Variants in OXTR observed in about 807,000 individuals in gnomAD.
OXTR encodes oxytocin receptor.
In OXTR, 19 loss-of-function variants were observed where a neutral mutation model predicts 23.9. The ratio of observed to expected loss-of-function variants is 0.80; its 90% CI spans 0.56 to 1.17. OXTR has a LOEUF of 1.17. Among genes scored for constraint, OXTR ranks in the 50% most tolerant of loss-of-function variants. The pLI, the probability that OXTR is intolerant of heterozygous loss-of-function variation, is 0.00. For missense variants in OXTR, 500 were observed against 550.7 expected (o/e 0.91, Z 0.92); for synonymous variants, 278 against 250.5 (o/e 1.11, Z -1.04).
chr3:8,756,946 G>A (rs1232149828), intron 3 of OXTR, among the ~76,000 whole-genome samples: 1 of 152,184 alleles, frequency 6.6e-6, no homozygotes, highest in Non-Finnish European at 1.5e-5. Flanking sequence ...ACTCAGAAAG[G>A]TCTGCTATGC....
rs2125008074 is a variant in OXTR, at chr3:8,767,922, G to A, written c.266C>T (p.Ala89Val). Residue 89 changes from alanine (A) to valine (V), a missense_variant, in exon 3 of 4, where the codon GCA becomes GTA. Coordinates refer to ENST00000316793, the MANE Select transcript of OXTR (RefSeq NM_000916.4). ...KHLSIADLVV[A>V]VFQVLPQLLW... Reference sequence around the variant, plus strand: ...CAACTGCGGCAGCACCTGAAACACTGCCACCACCAGGTCGGCGATGCTTAG... The same window carrying A: ...CAACTGCGGCAGCACCTGAAACACTACCACCACCAGGTCGGCGATGCTTAG... 1.9e-6 allele frequency: 3 copies of A among 1,613,604 alleles called. No individual in the cohort carries two copies. Among genetic ancestry groups the A allele is most frequent in the South Asian group, 1.1e-5 (1 of 90,982 alleles).
intron 3 of OXTR, among the ~76,000 whole-genome samples, chr3:8,761,113 C>A (rs983757693): frequency 2.0e-5 from 3 of 152,178 alleles, no homozygotes; most frequent in Non-Finnish European, 2.9e-5. Flanking sequence ...TACACACACG[C>A]CAAAGACTGT....
chr3:8,752,782 G>A lies in OXTR; in HGVS notation c.*195C>T, dbSNP rs200544431. 3.0e-5 allele frequency: 18 copies of A among 606,224 alleles called. No individual in the cohort carries two copies. In the African/African-American group the frequency reaches 3.1e-4, roughly 11 times the overall value. The allele number at this position is 606,224 out of a possible 1,614,324, so 37.6% of individuals were successfully genotyped here. A position where few individuals can be genotyped will look rare whatever the true frequency, so the allele number is the denominator to read the frequency against. On this transcript the variant is annotated 3_prime_UTR_variant, in exon 4 of 4. Transcript: ENST00000316793. ...AGAAGTACGTGTAGGAGGCCAGGGT[G>A]TTGTCTGATGGCTGAGTCCCCTATC...
At chr3:8,757,467 C>G (rs1159532025) in intron 3 of OXTR, among the ~76,000 whole-genome samples, 1 of 151,874 alleles carries the variant, frequency 6.6e-6, no homozygotes, top group African/African-American at 2.4e-5. Flanking sequence ...AAATCAAACC[C>G]CAGAGCCCTC....
chr3:8,746,152 G>C, downstream of OXTR: 1 of 400,394 alleles, frequency 2.5e-6, no homozygotes. Context: ...GCGTTCACTT[G>C]TACTGTAACA....
chr3:8,768,166 TG>T lies in OXTR; in HGVS notation c.21del (p.Asn8ThrfsTer47). On this transcript the variant is annotated frameshift_variant, in exon 3 of 4. Transcript: ENST00000316793. LOFTEE classifies it high-confidence loss of function. The surrounding 1 kb of genome is among the most constrained non-coding windows in gnomAD (Gnocchi z 5.4). MEGALA[A>X]NWSAEAANAS... ...GCGTTGGCTGCCTCGGCGCTCCAGT[TG>T]GCTGCGAGCGCGCCCTCCATGACCC... 1 of 1,327,124 alleles carries T rather than the reference TG, an allele frequency of 7.5e-7. No homozygotes were observed. The highest frequency in any genetic ancestry group is 9.5e-7 in the Non-Finnish European group (1 of 1,047,296). The allele number at this position is 1,327,124 out of a possible 1,614,324, so 82.2% of individuals were successfully genotyped here. A position where few individuals can be genotyped will look rare whatever the true frequency, so the allele number is the denominator to read the frequency against.
intron 3 of OXTR, among the ~76,000 whole-genome samples, chr3:8,762,730 A>G (rs1708515990): frequency 6.6e-6 from 1 of 152,230 alleles, no homozygotes; most frequent in African/African-American, 2.4e-5. Context: ...AGCTCATTCT[A>G]CAGATGGGGA....
rs532676793 is a variant in OXTR at position 8,750,850 on chromosome 3, C to T, written c.*2127G>A. The stretch of plus-strand genomic sequence containing the variant: ...TAATGTTGCTATGAACATTGGTGTA[C>T]AAGTTTTTGTGTGTATGTACGTTTT... On this transcript the variant is annotated 3_prime_UTR_variant, in exon 4 of 4. Coordinates refer to ENST00000316793, the MANE Select transcript of OXTR (RefSeq NM_000916.4). 2 of 152,088 alleles carry T rather than the reference C, an allele frequency of 1.3e-5. No homozygotes were observed. The highest frequency in any genetic ancestry group is 4.1e-4 in the South Asian group (2 of 4,822). The allele number at this position is 152,088 out of a possible 1,614,324, so 9.4% of individuals were successfully genotyped here. A position where few individuals can be genotyped will look rare whatever the true frequency, so the allele number is the denominator to read the frequency against.
At chr3:8,762,016 TG>T (rs1181435511) in intron 3 of OXTR, among the ~76,000 whole-genome samples, 2 of 152,252 alleles carry the variant, frequency 1.3e-5, no homozygotes, top group Non-Finnish European at 2.9e-5. Flanking sequence ...GGGAGCCCTG[TG>T]GGGTTGCCTT....
At position 8,768,951 on chromosome 3, in the gene OXTR, G is replaced by C. The variant is rs1437237119; in HGVS notation, c.-239+280C>G. On this transcript the variant is annotated intron_variant, in intron 1 of 3. Coordinates refer to ENST00000316793, the MANE Select transcript of OXTR (RefSeq NM_000916.4). The surrounding 1 kb of genome is among the most constrained non-coding windows in gnomAD (Gnocchi z 5.4). ...GGGGAACCCCTGCCTCAAAGCCCAA[G>C]ATGCCCAAGCGCTGTTCCCAGACCC... 6.6e-6 allele frequency among the ~76,000 whole-genome samples: 1 copy of C among 152,076 alleles called. No individual in the cohort carries two copies. The highest frequency in any genetic ancestry group is 1.5e-5 in the Non-Finnish European group (1 of 68,018).
the OXTR span, chr3:8,742,745 T>C: frequency 6.7e-6 from 2 of 298,038 alleles, no homozygotes; most frequent in East Asian, 9.2e-5. Flanking sequence ...GGTGGATGGA[T>C]GGATGGATGA....
chr3:8,768,124 C>G lies in OXTR; in HGVS notation c.64G>C (p.Gly22Arg). 3.7e-6 allele frequency: 5 copies of G among 1,360,970 alleles called. No homozygotes were observed. Among genetic ancestry groups the G allele is most frequent in the Non-Finnish European group, 3.8e-6 (4 of 1,064,650 alleles). The allele number at this position is 1,360,970 out of a possible 1,614,324, so 84.3% of individuals were successfully genotyped here. Residue 22 changes from glycine to arginine, a missense_variant, in exon 3 of 4, where the codon GGG becomes CGG. Coordinates refer to ENST00000316793, the MANE Select transcript of OXTR (RefSeq NM_000916.4). This position sits in a 1 kb window ranked among gnomAD's most constrained non-coding sequence, Gnocchi z 5.4. The part of the protein sequence containing the change: ...EAANASAAPP[G>R]AEGNRTAGPP... ...CCGGCGGTGCGGTTGCCCTCGGCCC[C>G]CGGCGGCGCGGCGCTGGCGTTGGCT...
At chr3:8,761,983 G>A (rs1708495762) in intron 3 of OXTR, among the ~76,000 whole-genome samples, 1 of 152,212 alleles carries the variant, frequency 6.6e-6, no homozygotes, top group Admixed American at 6.5e-5. Flanking sequence ...CAGGTGTACA[G>A]GGTCCGGCTT....
At chr3:8,757,564 A>T (rs1708396887) in intron 3 of OXTR, among the ~76,000 whole-genome samples, 1 of 152,190 alleles carries the variant, frequency 6.6e-6, no homozygotes, top group Admixed American at 6.5e-5. Flanking sequence ...CCAAAAGGGA[A>T]GGTTGCTGCA....
At position 8,768,150 on chromosome 3, in the gene OXTR, G is replaced by A. The variant is rs1708680450; in HGVS notation, c.38C>T (p.Ala13Val). 1 of 1,337,234 alleles carries A rather than the reference G, an allele frequency of 7.5e-7. No homozygotes were observed. Among genetic ancestry groups the A allele is most frequent in the Non-Finnish European group, 9.5e-7 (1 of 1,052,784 alleles). The allele number at this position is 1,337,234 out of a possible 1,614,324, so 82.8% of individuals were successfully genotyped here. Residue 13 changes from alanine to valine, a missense_variant, in exon 3 of 4, where the codon GCA becomes GTA. Ala to Val is a moderately conservative substitution (Grantham distance 64). Coordinates refer to ENST00000316793, the MANE Select transcript of OXTR (RefSeq NM_000916.4). This position sits in a 1 kb window ranked among gnomAD's most constrained non-coding sequence, Gnocchi z 5.4. ...CGGCGGCGCGGCGCTGGCGTTGGCT[G>A]CCTCGGCGCTCCAGTTGGCTGCGAG... ...GALAANWSAE[A>V]ANASAAPPGA...
intron 3 of OXTR, among the ~76,000 whole-genome samples, chr3:8,760,261 C>T (rs1708458389): frequency 6.6e-6 from 1 of 152,260 alleles, no homozygotes; most frequent in African/African-American, 2.4e-5. Flanking sequence ...ACTGCCGCTC[C>T]ATCTGACACT....
At chr3:8,756,607 C>T (rs1445927584) in intron 3 of OXTR, among the ~76,000 whole-genome samples, 1 of 152,202 alleles carries the variant, frequency 6.6e-6, no homozygotes, top group Non-Finnish European at 1.5e-5. Flanking sequence ...TGACAGTAAG[C>T]AGTGCCCATT....
At chr3:8,761,324 C>A (rs1026347247) in intron 3 of OXTR, among the ~76,000 whole-genome samples, 4 of 152,074 alleles carry the variant, frequency 2.6e-5, no homozygotes, top group Non-Finnish European at 5.9e-5. Flanking sequence ...CGGATGTGTA[C>A]CTCGGTGTGT....
intron 3 of OXTR, among the ~76,000 whole-genome samples, 163 bp downstream of exon 3, chr3:8,767,103 C>T (rs570218205): frequency 1.9e-4 from 29 of 152,272 alleles, no homozygotes; most frequent in African/African-American, 6.5e-4. Flanking sequence ...GTTAATTGCC[C>T]TAAGTCACTT....
Sources: gnomAD v4.1 joint callset for allele counts (sites outside exome capture counted in the v4.1 genomes callset) on GRCh38, gnomAD v4.1.1 for gene constraint, Gnocchi (gnomAD v3.1) non-coding constraint, MANE v1.5 for transcripts, NCBI Gene and HGNC (gene_info 2026-07-23, HGNC 2026-07-21) for gene names.